The following LINGO2 variants were observed in gnomAD, a reference collection of about 807,000 sequenced individuals.
The protein encoded by LINGO2 is leucine-rich repeat and immunoglobulin-like domain-containing nogo receptor-interacting protein 2.
Under a neutral mutation model 30.6 loss-of-function variants are expected in LINGO2, and 14 were observed. The observed-to-expected ratio is 0.46, with a 90% confidence interval of 0.30 to 0.72. The LOEUF is 0.72. LINGO2 is among the 30% of genes least tolerant of loss of function. LINGO2 has a pLI of 0.07. For synonymous variants in LINGO2, 317 were observed against 288.5 expected (o/e 1.10, Z -1.00); for missense variants, 729 against 751.7 (o/e 0.97, Z 0.35).
chr9:28,504,398 C>G (rs547955934), intron 1 of LINGO2, among the ~76,000 whole-genome samples: 88 of 151,480 alleles, frequency 5.8e-4, no homozygotes, highest in Admixed American at 2.2e-3. Flanking sequence ...ATAAACATAC[C>G]GTGGCATAAT....
the LINGO2 span, among the ~76,000 whole-genome samples, chr9:28,903,206 T>C: frequency 4.6e-5 from 7 of 151,940 alleles, no homozygotes; most frequent in East Asian, 1.9e-4. Flanking sequence ...ATTGTTACCA[T>C]AGAAATACAA....
At chr9:28,985,509 C>T in the LINGO2 span, among the ~76,000 whole-genome samples, 3 of 152,120 alleles carry the variant, frequency 2.0e-5, no homozygotes, top group African/African-American at 7.2e-5. Context: ...CTTCTCTCCA[C>T]ATTATTCCCA....
intron 4 of LINGO2, among the ~76,000 whole-genome samples, chr9:28,227,280 T>A (rs971433637): frequency 1.2e-4 from 18 of 152,058 alleles, no homozygotes; most frequent in African/African-American, 4.3e-4. Context: ...ATTATTAGGC[T>A]TTTGGTTCTG....
the LINGO2 span, among the ~76,000 whole-genome samples, chr9:29,035,753 T>A: frequency 6.6e-6 from 1 of 151,944 alleles, no homozygotes; most frequent in Non-Finnish European, 1.5e-5. Context: ...TAACGTCTTG[T>A]AAGTTGTATT....
At chr9:29,168,632 A>T in the LINGO2 span, among the ~76,000 whole-genome samples, 1 of 152,238 alleles carries the variant, frequency 6.6e-6, no homozygotes, top group Non-Finnish European at 1.5e-5. Context: ...GACACCATCA[A>T]GTGAAGATGT....
At chr9:28,680,651 T>C in the LINGO2 span, among the ~76,000 whole-genome samples, 3 of 152,242 alleles carry the variant, frequency 2.0e-5, 1 homozygote, top group Admixed American at 6.6e-5. Flanking sequence ...TATCAGGTGT[T>C]ATCTTTTTAT....
At chr9:28,245,271 A>G (rs149564405) in intron 4 of LINGO2, among the ~76,000 whole-genome samples, 217 of 152,190 alleles carry the variant, frequency 1.4e-3, no homozygotes, top group African/African-American at 4.8e-3. Flanking sequence ...CAGGTTAAAA[A>G]CTCTCAATAA....
chr9:28,826,813 C>T, the LINGO2 span, among the ~76,000 whole-genome samples: 1 of 152,122 alleles, frequency 6.6e-6, no homozygotes, highest in Non-Finnish European at 1.5e-5. Context: ...GTAAAATCAA[C>T]ATAGCTGCAC....
At chr9:28,447,765 C>G (rs1285037703) in intron 2 of LINGO2, among the ~76,000 whole-genome samples, 1 of 152,136 alleles carries the variant, frequency 6.6e-6, no homozygotes, top group Non-Finnish European at 1.5e-5. Flanking sequence ...ACAATGCAAA[C>G]AAGTTTATAA....
chr9:28,213,995 CAGG>C (rs1820681491), intron 4 of LINGO2, among the ~76,000 whole-genome samples: 2 of 151,438 alleles, frequency 1.3e-5, no homozygotes, highest in Non-Finnish European at 3.0e-5. Flanking sequence ...TCAGAAGACA[CAGG>C]AGGATTTTTT....
At chr9:28,748,296 T>C in the LINGO2 span, among the ~76,000 whole-genome samples, 11 of 152,048 alleles carry the variant, frequency 7.2e-5, no homozygotes, top group Non-Finnish European at 1.6e-4. Flanking sequence ...ATAGCCTACA[T>C]TTGATTTGCA....
the LINGO2 span, among the ~76,000 whole-genome samples, chr9:28,890,030 G>T: frequency 6.6e-6 from 1 of 151,934 alleles, no homozygotes; most frequent in Non-Finnish European, 1.5e-5. Context: ...GTTCCCAGCT[G>T]GTAAAATTTC....
intron 4 of LINGO2, among the ~76,000 whole-genome samples, chr9:28,033,913 C>T (rs1823805142): frequency 6.6e-6 from 1 of 152,192 alleles, no homozygotes; most frequent in South Asian, 2.1e-4. Flanking sequence ...CCAGCCCTTT[C>T]CAGTGGGCCC....
At chr9:28,861,428 A>C in the LINGO2 span, among the ~76,000 whole-genome samples, 1 of 145,402 alleles carries the variant, frequency 6.9e-6, no homozygotes, top group East Asian at 2.0e-4. Context: ...ACATTCATTT[A>C]AACATATCTA....
At chr9:29,191,407 T>G in the LINGO2 span, among the ~76,000 whole-genome samples, 2 of 152,144 alleles carry the variant, frequency 1.3e-5, no homozygotes, top group Non-Finnish European at 2.9e-5. Context: ...TTTCAGATTT[T>G]CTTATTTTAG....
the LINGO2 span, among the ~76,000 whole-genome samples, chr9:28,935,890 G>T: frequency 6.6e-6 from 1 of 151,914 alleles, no homozygotes; most frequent in Non-Finnish European, 1.5e-5. Context: ...TAATATAAAA[G>T]GGACAGCTAG....
At chr9:28,408,627 G>C (rs1286301350) in intron 2 of LINGO2, among the ~76,000 whole-genome samples, 4 of 147,698 alleles carry the variant, frequency 2.7e-5, no homozygotes, top group Non-Finnish European at 4.5e-5. Flanking sequence ...TTGTGGGGTG[G>C]GGGGAGGGGG....
intron 1 of LINGO2, among the ~76,000 whole-genome samples, chr9:28,593,157 A>G (rs890038940): frequency 3.3e-5 from 5 of 152,128 alleles, no homozygotes; most frequent in Admixed American, 1.3e-4. Context: ...TTCGAAGGCT[A>G]TATTGTGCAA....
chr9:28,916,307 C>G, the LINGO2 span, among the ~76,000 whole-genome samples: 1 of 152,168 alleles, frequency 6.6e-6, no homozygotes, highest in Non-Finnish European at 1.5e-5. Flanking sequence ...AATCTACATT[C>G]TGTAGAGAAT....
Sources: gnomAD v4.1 joint callset for allele counts (sites outside exome capture counted in the v4.1 genomes callset) on GRCh38, gnomAD v4.1.1 for gene constraint, MANE v1.5 for transcripts, NCBI Gene and HGNC (gene_info 2026-07-23, HGNC 2026-07-21) for gene names.